NRG1: variants seen among roughly 807,000 people sequenced by gnomAD.
The protein encoded by NRG1 is neuregulin 1.
In NRG1, 18 loss-of-function variants were observed where a neutral mutation model predicts 63.8. The observed-to-expected ratio is 0.28, with a 90% CI of 0.19 to 0.42. The LOEUF is 0.42. Among genes scored for constraint, NRG1 ranks in the 10% least tolerant of loss-of-function variants. The probability of loss-of-function intolerance (pLI) is 1.00; values close to 1 mark genes in which losing one functional copy is unlikely to be tolerated. For missense variants in NRG1, 762 were observed against 814.7 expected (o/e 0.94, Z 0.79); for synonymous variants, 302 against 301.3 (o/e 1.00, Z -0.02).
At chr8:32,647,023 AAGAGG>A (rs1853701843) in intron 5 of NRG1, 2 of 984,968 alleles carry the variant, frequency 2.0e-6, no homozygotes, top group Non-Finnish European at 2.4e-6. Context: ...AAGAAGGACA[AAGAGG>A]AGTAGTCGGG....
chr8:32,496,311 A>C (rs550148886), intron 1 of NRG1, among the ~76,000 whole-genome samples: 63 of 152,366 alleles, frequency 4.1e-4, no homozygotes, highest in African/African-American at 1.5e-3. Context: ...ACAGATTTTC[A>C]TCTAAAACTA....
chr8:31,878,651 A>G (rs1298607125), intron 1 of NRG1, among the ~76,000 whole-genome samples: 1 of 152,186 alleles, frequency 6.6e-6, no homozygotes, highest in African/African-American at 2.4e-5. Flanking sequence ...TACAATCAAG[A>G]TGGTGGCCAG....
intron 1 of NRG1, among the ~76,000 whole-genome samples, chr8:32,105,202 G>A (rs1831105071): frequency 6.6e-6 from 1 of 152,044 alleles, no homozygotes; most frequent in African/African-American, 2.4e-5. Flanking sequence ...CATCATATAG[G>A]CAATCCATCA....
intron 1 of NRG1, among the ~76,000 whole-genome samples, chr8:32,231,573 A>G (rs529566312): frequency 2.4e-4 from 37 of 152,120 alleles, no homozygotes; most frequent in Non-Finnish European, 4.6e-4. Flanking sequence ...CCTTGAATGT[A>G]AATTTTTTGT....
At chr8:31,760,309 C>A (rs1173295341) in intron 1 of NRG1, among the ~76,000 whole-genome samples, 1 of 152,128 alleles carries the variant, frequency 6.6e-6, no homozygotes, top group Non-Finnish European at 1.5e-5. Context: ...AATAGGGAAT[C>A]CTTTCCCCAT....
At chr8:31,791,241 A>G (rs1366158676) in intron 1 of NRG1, among the ~76,000 whole-genome samples, 1 of 151,652 alleles carries the variant, frequency 6.6e-6, no homozygotes, top group Non-Finnish European at 1.5e-5. Flanking sequence ...AAGAAGAGAT[A>G]GTGAGATAGT....
At chr8:31,744,197 C>T (rs1239374104) in intron 1 of NRG1, among the ~76,000 whole-genome samples, 1 of 151,902 alleles carries the variant, frequency 6.6e-6, no homozygotes, top group African/African-American at 2.4e-5. Context: ...AAAGAATGTG[C>T]AGCCAGCTGT....
intron 1 of NRG1, among the ~76,000 whole-genome samples, chr8:32,376,830 C>T (rs1305932399): frequency 6.6e-6 from 1 of 152,186 alleles, no homozygotes; most frequent in African/African-American, 2.4e-5. Flanking sequence ...ATTAGCAAGT[C>T]TGAGTAGAAC....
At chr8:32,537,863 C>CT (rs1188400652) in intron 1 of NRG1, among the ~76,000 whole-genome samples, 1 of 151,826 alleles carries the variant, frequency 6.6e-6, no homozygotes, top group Non-Finnish European at 1.5e-5. Flanking sequence ...TTTCTTTTTT[C>CT]TTTTTTGAGA....
chr8:31,721,463 T>A (rs1201102697), intron 1 of NRG1, among the ~76,000 whole-genome samples: 2 of 152,312 alleles, frequency 1.3e-5, no homozygotes, highest in Admixed American at 6.5e-5. Context: ...TTCTATAGAA[T>A]ATTTTTAAAA....
At chr8:32,085,662 C>T (rs562303090) in intron 1 of NRG1, among the ~76,000 whole-genome samples, 1 of 152,286 alleles carries the variant, frequency 6.6e-6, no homozygotes, top group South Asian at 2.1e-4. Context: ...CTTTATTGTA[C>T]ATATGATGGT....
At chr8:31,829,852 G>A (rs1434113188) in intron 1 of NRG1, among the ~76,000 whole-genome samples, 3 of 152,214 alleles carry the variant, frequency 2.0e-5, no homozygotes, top group African/African-American at 7.2e-5. Flanking sequence ...CAGCTGAGCA[G>A]TGCGAGTTGG....
chr8:32,298,727 A>G (rs192029096), intron 1 of NRG1, among the ~76,000 whole-genome samples: 1,541 of 124,228 alleles, frequency 0.012, 40 homozygotes, highest in African/African-American at 0.042. Context: ...AAAAAAAAAA[A>G]AAAGAAAAGA....
chr8:32,263,909 G>A lies in NRG1; in HGVS notation c.38-331919G>A, dbSNP rs988226346. On this transcript the variant is annotated intron_variant, in intron 1 of 10. Coordinates refer to the NRG1 transcript ENST00000519301. Reference sequence around the variant, plus strand: ...GCTGTGTCAACACAGGTAGAGAGACGGGGAGAGCTGAGGGTATTTAAGAAT... The same window carrying A: ...GCTGTGTCAACACAGGTAGAGAGACAGGGAGAGCTGAGGGTATTTAAGAAT... Among the ~76,000 whole-genome samples the A allele has an allele frequency of 5.3e-5, 8 of 152,146 alleles. No homozygotes were observed. The East Asian group carries it at 5.8e-4, about 11-fold the overall frequency.
chr8:32,129,966 A>G (rs1834590244), intron 1 of NRG1, among the ~76,000 whole-genome samples: 1 of 151,970 alleles, frequency 6.6e-6, no homozygotes, highest in African/African-American at 2.4e-5. Flanking sequence ...TAGCTTTTAA[A>G]ACACTAAATT....
At chr8:32,434,510 C>T (rs2129486992) in intron 1 of NRG1, among the ~76,000 whole-genome samples, 1 of 152,240 alleles carries the variant, frequency 6.6e-6, no homozygotes, top group South Asian at 2.1e-4. Context: ...AATAACTGAA[C>T]TCTTAATGCC....
intron 1 of NRG1, among the ~76,000 whole-genome samples, chr8:31,922,345 A>G (rs558509840): frequency 5.3e-5 from 8 of 152,256 alleles, no homozygotes; most frequent in South Asian, 4.1e-4. Flanking sequence ...GATTGTTTTC[A>G]GGCTACCAAC....
chr8:31,848,661 G>T (rs1347185108), intron 1 of NRG1, among the ~76,000 whole-genome samples: 1 of 152,178 alleles, frequency 6.6e-6, no homozygotes, highest in African/African-American at 2.4e-5. Context: ...ATCAGCAGCA[G>T]CAGCAAATTC....
intron 11 of NRG1, chr8:32,763,347 G>C (rs757853627): frequency 6.2e-7 from 1 of 1,613,802 alleles, no homozygotes; most frequent in East Asian, 2.2e-5. Context: ...AAGACCCCTT[G>C]GCCTTTAGGA....
Sources: gnomAD v4.1 joint callset for allele counts (sites outside exome capture counted in the v4.1 genomes callset) on GRCh38, gnomAD v4.1.1 for gene constraint, MANE v1.5 for transcripts, NCBI Gene and HGNC (gene_info 2026-07-23, HGNC 2026-07-21) for gene names.